AFF3: variants seen among roughly 807,000 people sequenced by gnomAD.
AFF3 encodes the protein ALF transcription elongation factor 3.
A neutral mutation model predicts 129.7 loss-of-function variants in AFF3; 32 were observed. That is an observed-to-expected ratio of 0.25 (90% CI 0.19 to 0.33). The LOEUF is 0.33. AFF3 is among the 10% of genes least tolerant of loss of function. AFF3 has a pLI of 1.00. For synonymous variants in AFF3, 644 were observed against 635.4 expected, an observed-to-expected ratio of 1.01 and a Z score of -0.20; for missense variants, 1,373 against 1,592.0, an observed-to-expected ratio of 0.86 and a Z score of 2.34.
chr2:99,860,095 A>G (rs969326064), intron 7 of AFF3, among the ~76,000 whole-genome samples: 2 of 152,172 alleles, frequency 1.3e-5, no homozygotes, highest in African/African-American at 4.8e-5. Flanking sequence ...TTAACTTTTT[A>G]AACTTATTAA....
At chr2:99,867,445 A>T (rs1342071415) in intron 7 of AFF3, among the ~76,000 whole-genome samples, 1 of 152,034 alleles carries the variant, frequency 6.6e-6, no homozygotes, top group African/African-American at 2.4e-5. Context: ...ATTACGGCAG[A>T]TGAGTTTTCA....
At chr2:100,132,836 A>G (rs1013898427) in intron 1 of AFF3, among the ~76,000 whole-genome samples, 3 of 151,848 alleles carry the variant, frequency 2.0e-5, no homozygotes, top group Admixed American at 6.6e-5. Context: ...AGTAAAATAT[A>G]TTATTAAAAA....
At chr2:99,948,990 T>C (rs1464041904) in intron 7 of AFF3, among the ~76,000 whole-genome samples, 1 of 152,152 alleles carries the variant, frequency 6.6e-6, no homozygotes, top group Non-Finnish European at 1.5e-5. Context: ...TTGACAATAA[T>C]ATTTGGCATA....
chr2:99,606,716 C>T (rs1480123315), intron 13 of AFF3, among the ~76,000 whole-genome samples: 1 of 151,688 alleles, frequency 6.6e-6, no homozygotes, highest in African/African-American at 2.4e-5. Context: ...AGATCAAGAC[C>T]ATCCTGGCTA....
intron 7 of AFF3, among the ~76,000 whole-genome samples, chr2:99,932,020 A>G (rs1187422144): frequency 6.6e-6 from 1 of 152,206 alleles, no homozygotes; most frequent in African/African-American, 2.4e-5. Context: ...GTTAAATGGC[A>G]CAGACTTTTT....
chr2:99,969,807 C>A (rs1229285506), intron 7 of AFF3, among the ~76,000 whole-genome samples: 2 of 152,068 alleles, frequency 1.3e-5, no homozygotes, highest in Non-Finnish European at 2.9e-5. Context: ...CTGGCCAAAT[C>A]TAGATACAAA....
rs918686979 is a variant in AFF3 at position 99,550,027 on chromosome 2, G to C, written c.*1447C>G. Reference sequence around the variant, plus strand: ...TATTTTTGTTTTTAACGTGTGGCAAGATAGACCCTCTTTTTCAGGAGTTAT... The same window carrying C: ...TATTTTTGTTTTTAACGTGTGGCAACATAGACCCTCTTTTTCAGGAGTTAT... On this transcript the variant is annotated 3_prime_UTR_variant, in exon 25 of 25. Coordinates refer to ENST00000672756, the MANE Select transcript of AFF3 (RefSeq NM_001386135.1). 1.3e-5 allele frequency: 3 copies of C among 227,788 alleles called. No homozygotes were observed. The highest frequency in any genetic ancestry group is 6.7e-5 in the African/African-American group (3 of 45,010). 14.1% of individuals were successfully genotyped at this position (227,788 alleles called of 1,614,324 possible).
chr2:100,116,293 C>T (rs1198867404), intron 2 of AFF3, among the ~76,000 whole-genome samples: 1 of 151,300 alleles, frequency 6.6e-6, no homozygotes, highest in African/African-American at 2.4e-5. Context: ...TTTTTTAACT[C>T]AGCCTGACAA....
At chr2:100,094,630 C>A (rs1690145951) in intron 4 of AFF3, among the ~76,000 whole-genome samples, 1 of 148,078 alleles carries the variant, frequency 6.8e-6, no homozygotes, top group Non-Finnish European at 1.5e-5. Context: ...GGCTGGGGAC[C>A]CCTGCACTCC....
intron 7 of AFF3, among the ~76,000 whole-genome samples, chr2:99,874,509 G>T (rs906792091): frequency 3.9e-5 from 6 of 152,038 alleles, no homozygotes; most frequent in Non-Finnish European, 7.4e-5. Context: ...TGATTTGGGG[G>T]GTTGTTTTTT....
rs531780022 is a variant in AFF3, at chr2:99,560,695, G to A, written c.3120-259C>T. On this transcript the variant is annotated intron_variant, in intron 20 of 24. Coordinates refer to ENST00000672756, the MANE Select transcript of AFF3 (RefSeq NM_001386135.1). Reference sequence around the variant, plus strand: ...ACAAGTTCAAATGCTACAGATTGTCGGGAGTGATACCAGTTCAAGAACTAT... The same window carrying A: ...ACAAGTTCAAATGCTACAGATTGTCAGGAGTGATACCAGTTCAAGAACTAT... 1.4e-4 allele frequency among the ~76,000 whole-genome samples: 21 copies of A among 152,216 alleles called. No homozygotes were observed. The South Asian group carries it at 3.9e-3, about 29-fold the overall frequency.
chr2:99,994,780 A>C (rs1680681768), intron 7 of AFF3, among the ~76,000 whole-genome samples: 1 of 151,932 alleles, frequency 6.6e-6, no homozygotes, highest in Non-Finnish European at 1.5e-5. Flanking sequence ...CTATGCTTGA[A>C]CTCATTCTAG....
At chr2:100,084,124 T>C (rs1319731690) in intron 4 of AFF3, among the ~76,000 whole-genome samples, 3 of 152,178 alleles carry the variant, frequency 2.0e-5, no homozygotes, top group African/African-American at 4.8e-5. Flanking sequence ...AGGATGGAAA[T>C]AGCTTAGAAA....
At chr2:99,936,165 C>T (rs1460926648) in intron 7 of AFF3, among the ~76,000 whole-genome samples, 1 of 152,086 alleles carries the variant, frequency 6.6e-6, no homozygotes. Context: ...TGGGTATTTA[C>T]GAGCTGGGTA....
At chr2:99,580,332 A>T (rs1212835569) in intron 17 of AFF3, among the ~76,000 whole-genome samples, 1 of 152,058 alleles carries the variant, frequency 6.6e-6, no homozygotes, top group Non-Finnish European at 1.5e-5. Flanking sequence ...GTATTTATCT[A>T]CTGTCTGCTT....
intron 2 of AFF3, chr2:100,107,100 G>A (rs951869108): frequency 2.0e-6 from 2 of 985,294 alleles, no homozygotes; most frequent in African/African-American, 1.7e-5. Flanking sequence ...CTAACATGGG[G>A]ATAGTTGGAT....
At chr2:99,760,243 AAATGTAGCCTGT>A (rs1347969481) in intron 8 of AFF3, among the ~76,000 whole-genome samples, 1 of 152,216 alleles carries the variant, frequency 6.6e-6, no homozygotes, top group African/African-American at 2.4e-5. Flanking sequence ...AGTATCATGC[AAATGTAGCCTGT>A]AATTAAGCTA....
At chr2:99,629,914 T>C (rs1285303457) in intron 13 of AFF3, among the ~76,000 whole-genome samples, 2 of 152,152 alleles carry the variant, frequency 1.3e-5, no homozygotes, top group Non-Finnish European at 2.9e-5. Flanking sequence ...CTCCTAATAC[T>C]ATCACATTGG....
chr2:99,950,647 AG>A, intron 7 of AFF3, among the ~76,000 whole-genome samples: 1 of 152,336 alleles, frequency 6.6e-6, no homozygotes, highest in South Asian at 2.1e-4. Context: ...CCTCAAAATA[AG>A]GACAGATTTA....
Sources: gnomAD v4.1 joint callset for allele counts (sites outside exome capture counted in the v4.1 genomes callset) on GRCh38, gnomAD v4.1.1 for gene constraint, MANE v1.5 for transcripts, NCBI Gene and HGNC (gene_info 2026-07-23, HGNC 2026-07-21) for gene names.